Variants in RAMP1 observed in about 807,000 individuals in gnomAD.
The protein encoded by RAMP1 is receptor activity-modifying protein 1.
A neutral mutation model predicts 8.2 loss-of-function variants in RAMP1; 7 were observed. The observed-to-expected ratio is 0.85, with a 90% confidence interval of 0.49 to 1.60. The LOEUF (loss-of-function observed/expected upper bound fraction) is 1.60, where lower values mean the gene tolerates loss of function less well. Ranked by LOEUF, RAMP1 falls within the 40% of genes most tolerant of loss-of-function variation. The probability of loss-of-function intolerance (pLI) is 0.00; values close to 1 mark genes in which losing one functional copy is unlikely to be tolerated. For synonymous variants in RAMP1, 92 were observed against 84.7 expected (o/e 1.09, Z -0.47); for missense variants, 192 against 202.4 (o/e 0.95, Z 0.31).
chr2:237,877,122 C>T lies in RAMP1; in HGVS notation c.53-102C>T. On this transcript the variant is annotated intron_variant, in intron 1 of 2. Coordinates refer to ENST00000254661, the MANE Select transcript of RAMP1 (RefSeq NM_005855.4). This position sits in a 1 kb window ranked among gnomAD's most constrained non-coding sequence, Gnocchi z 4.4. ...CCTCTCCAGGGGTTGCTTAGAGGCC[C>T]CGTTCTCGTGGAGTCCGGGCTGCAG... 1 of 1,498,872 alleles carries T rather than the reference C, an allele frequency of 6.7e-7. No homozygotes were observed. Among genetic ancestry groups the T allele is most frequent in the Non-Finnish European group, 9.2e-7 (1 of 1,090,976 alleles). The allele number at this position is 1,498,872 out of a possible 1,614,324, so 92.8% of individuals were successfully genotyped here. A position where few individuals can be genotyped will look rare whatever the true frequency, so the allele number is the denominator to read the frequency against.
intron 1 of RAMP1, among the ~76,000 whole-genome samples, chr2:237,869,090 A>C (rs1401308568): frequency 6.6e-6 from 1 of 152,016 alleles, no homozygotes; most frequent in Non-Finnish European, 1.5e-5. Flanking sequence ...CATCTTCTCC[A>C]TCCATGCGCA....
intron 2 of RAMP1, among the ~76,000 whole-genome samples, chr2:237,894,490 C>T (rs919644007): frequency 2.6e-5 from 4 of 152,248 alleles, no homozygotes; most frequent in African/African-American, 9.6e-5. Context: ...TTTGGGCAGC[C>T]GCAGGCCATA....
intron 2 of RAMP1, among the ~76,000 whole-genome samples, chr2:237,897,447 A>G (rs2062552702): frequency 6.6e-6 from 1 of 152,212 alleles, no homozygotes; most frequent in South Asian, 2.1e-4. Flanking sequence ...AGCAGCGAGA[A>G]CACTGAGCCC....
chr2:237,906,739 TTTA>T (rs2062654989), intron 2 of RAMP1, among the ~76,000 whole-genome samples: 1 of 149,074 alleles, frequency 6.7e-6, no homozygotes, highest in African/African-American at 2.5e-5. Context: ...TTTTTTTTTT[TTTA>T]AAGACAGTCT....
At chr2:237,910,971 T>C (rs2151025621) in intron 2 of RAMP1, among the ~76,000 whole-genome samples, 1 of 150,664 alleles carries the variant, frequency 6.6e-6, no homozygotes, top group Middle Eastern at 3.4e-3. Flanking sequence ...ACACAGTGAA[T>C]AATAGTCACA....
intron 2 of RAMP1, among the ~76,000 whole-genome samples, chr2:237,887,437 G>A (rs1279834445): frequency 6.6e-6 from 1 of 152,196 alleles, no homozygotes; most frequent in Non-Finnish European, 1.5e-5. Flanking sequence ...TTTGGGATGC[G>A]TCTTGGGACA....
chr2:237,908,975 G>A (rs1043150773), intron 2 of RAMP1, among the ~76,000 whole-genome samples: 6 of 152,144 alleles, frequency 3.9e-5, no homozygotes, highest in Non-Finnish European at 8.8e-5. Context: ...CTGCAGCCCT[G>A]GTGGCACAAC....
In RAMP1 at chr2:237,862,503, A is replaced by T. The variant is rs1161357671; in HGVS notation, c.52+2776A>T. ...GGGAAATGTTTTAGGTGGAATCTTT[A>T]GTTAAGGCTAGTTGGAAAAGTCTGT... is the stretch of plus-strand genomic sequence containing the variant. On this transcript the variant is annotated intron_variant, in intron 1 of 2. Coordinates refer to ENST00000254661, the MANE Select transcript of RAMP1 (RefSeq NM_005855.4). This position sits in a 1 kb window ranked among gnomAD's most constrained non-coding sequence, Gnocchi z 4.0. Among the ~76,000 whole-genome samples the T allele has an allele frequency of 6.6e-6, 1 of 152,222 alleles. No homozygotes were observed.
intron 1 of RAMP1, among the ~76,000 whole-genome samples, chr2:237,870,724 A>T (rs1171975729): frequency 6.6e-6 from 1 of 152,100 alleles, no homozygotes; most frequent in Non-Finnish European, 1.5e-5. Flanking sequence ...GGGGAGGAGG[A>T]TGGAGGGTAC....
At chr2:237,893,480 C>T (rs893712187) in intron 2 of RAMP1, among the ~76,000 whole-genome samples, 2 of 152,208 alleles carry the variant, frequency 1.3e-5, no homozygotes, top group South Asian at 2.1e-4. Context: ...CGGCACCCTC[C>T]TCTGTCCCCT....
At chr2:237,900,398 T>A (rs2062585417) in intron 2 of RAMP1, among the ~76,000 whole-genome samples, 1 of 152,194 alleles carries the variant, frequency 6.6e-6, no homozygotes, top group African/African-American at 2.4e-5. Context: ...TGAGCTCAAG[T>A]GATCTGCCCA....
intron 2 of RAMP1, among the ~76,000 whole-genome samples, chr2:237,891,065 A>G (rs537389623): frequency 6.6e-6 from 1 of 152,002 alleles, no homozygotes; most frequent in African/African-American, 2.4e-5. Flanking sequence ...TAATAAAGAC[A>G]TTTAAGGCTG....
intron 2 of RAMP1, among the ~76,000 whole-genome samples, chr2:237,896,620 A>C (rs947073105): frequency 4.6e-5 from 7 of 152,142 alleles, no homozygotes; most frequent in African/African-American, 1.7e-4. Flanking sequence ...TCACGCGGGG[A>C]AACAGGTCTT....
Position 237,901,846 on chromosome 2 carries a change from GCCAAGC to G in RAMP1, c.192-9679_192-9674del, listed in dbSNP as rs375413134. ...GAGGCAGAAGAAGGGGTAGATAGAT[GCCAAGC>G]CCCCACATACTCACTACAGAAAAGT... On this transcript the variant is annotated intron_variant, in intron 2 of 2. Coordinates refer to ENST00000254661, the MANE Select transcript of RAMP1 (RefSeq NM_005855.4). Among the ~76,000 whole-genome samples the G allele has an allele frequency of 6.5e-4, 50 of 76,500 alleles. 1 individual carries two copies. In the East Asian group the frequency reaches 0.018, roughly 28 times the overall value. The allele number at this position is 76,500 out of a possible 152,430, so 50.2% of individuals were successfully genotyped here. A position where few individuals can be genotyped will look rare whatever the true frequency, so the allele number is the denominator to read the frequency against.
rs538876963 is a variant in RAMP1 at position 237,911,971 on chromosome 2, G to A, written c.*188G>A. 7 of 988,540 alleles carry A rather than the reference G, an allele frequency of 7.1e-6. No homozygotes were observed. The highest frequency in any genetic ancestry group is 8.6e-6 in the Non-Finnish European group (6 of 693,854). 61.2% of individuals were successfully genotyped at this position (988,540 alleles called of 1,614,324 possible). A position where few individuals can be genotyped will look rare whatever the true frequency, so the allele number is the denominator to read the frequency against. On this transcript the variant is annotated 3_prime_UTR_variant, in exon 3 of 3. Coordinates refer to ENST00000254661, the MANE Select transcript of RAMP1 (RefSeq NM_005855.4). ...TATTAACCTGGAAGCCCCCCTGGCT[G>A]GAGGCCACCGCCACCCTAGGAAGGG...
At position 237,896,216 on chromosome 2, in the gene RAMP1, G is replaced by A. The variant is rs534456139; in HGVS notation, c.192-15312G>A. The stretch of plus-strand genomic sequence containing the variant: ...ATTTGGCAGCCCCAGGAGCCAGGGC[G>A]CTGCCCAGGCCTGTTCTCAGAGGAG... On this transcript the variant is annotated intron_variant, in intron 2 of 2. Coordinates refer to ENST00000254661, the MANE Select transcript of RAMP1 (RefSeq NM_005855.4). 8.8e-4 allele frequency among the ~76,000 whole-genome samples: 134 copies of A among 152,338 alleles called. 2 individuals carry two copies. Among genetic ancestry groups the A allele is most frequent in the South Asian group, 1.4e-3 (7 of 4,832 alleles).
chr2:237,904,907 G>T (rs533327603), intron 2 of RAMP1, among the ~76,000 whole-genome samples: 1 of 152,282 alleles, frequency 6.6e-6, no homozygotes, highest in East Asian at 1.9e-4. Context: ...TCATATTAGG[G>T]CCAGCCGGGG....
At chr2:237,873,437 C>A (rs1240284600) in intron 1 of RAMP1, among the ~76,000 whole-genome samples, 1 of 152,200 alleles carries the variant, frequency 6.6e-6, no homozygotes, top group Admixed American at 6.5e-5. Flanking sequence ...GTCCTTCTGT[C>A]CCCACCCTGT....
At chr2:237,885,725 CT>C (rs1194215899) in intron 2 of RAMP1, among the ~76,000 whole-genome samples, 2 of 152,200 alleles carry the variant, frequency 1.3e-5, no homozygotes, top group East Asian at 1.9e-4. Flanking sequence ...TGCCGTGCCC[CT>C]CTCTGTGTGT....
Sources: gnomAD v4.1 joint callset for allele counts (sites outside exome capture counted in the v4.1 genomes callset) on GRCh38, gnomAD v4.1.1 for gene constraint, Gnocchi (gnomAD v3.1) non-coding constraint, MANE v1.5 for transcripts, NCBI Gene and HGNC (gene_info 2026-07-23, HGNC 2026-07-21) for gene names.